Variants in SAMD8 observed in about 807,000 individuals in gnomAD.
SAMD8 encodes the protein sphingomyelin synthase-related protein 1.
In SAMD8, 20 loss-of-function variants were observed where a neutral mutation model predicts 42.0. The observed-to-expected ratio is 0.48, with a 90% confidence interval of 0.34 to 0.69. The LOEUF (loss-of-function observed/expected upper bound fraction) is 0.69. SAMD8 is among the 30% of genes least tolerant of loss of function. SAMD8 has a pLI of 0.01. For missense variants in SAMD8, 328 were observed against 511.6 expected (o/e 0.64, Z 3.46); for synonymous variants, 162 against 173.0 (o/e 0.94, Z 0.50).
At chr10:75,169,208 C>T (rs1424058618) in intron 4 of SAMD8, among the ~76,000 whole-genome samples, 2 of 141,564 alleles carry the variant, frequency 1.4e-5, no homozygotes, top group African/African-American at 2.6e-5. Flanking sequence ...TTATTTTGGC[C>T]GGGCGCAGTG....
At chr10:75,140,129 T>C (rs1186219367) in intron 1 of SAMD8, among the ~76,000 whole-genome samples, 1 of 152,218 alleles carries the variant, frequency 6.6e-6, no homozygotes, top group Non-Finnish European at 1.5e-5. Flanking sequence ...GGACTCTATA[T>C]TCTGTTTCCT....
intron 1 of SAMD8, among the ~76,000 whole-genome samples, chr10:75,117,152 G>T (rs1465736058): frequency 1.3e-5 from 2 of 151,918 alleles, no homozygotes; most frequent in Non-Finnish European, 2.9e-5. Context: ...GCTGGGTGGG[G>T]TGACTCATGC....
chr10:75,133,649 T>C (rs930695953), intron 1 of SAMD8, among the ~76,000 whole-genome samples: 11 of 152,238 alleles, frequency 7.2e-5, no homozygotes, highest in Admixed American at 6.5e-4. Flanking sequence ...GAAGTCCTGT[T>C]ATTTGCAGCA....
chr10:75,122,143 T>C (rs1295465094), intron 1 of SAMD8, among the ~76,000 whole-genome samples: 1 of 152,228 alleles, frequency 6.6e-6, no homozygotes, highest in Non-Finnish European at 1.5e-5. Context: ...TATTACATTC[T>C]TATTGTATGG....
At chr10:75,152,595 A>G (rs1292230866) in intron 2 of SAMD8, among the ~76,000 whole-genome samples, 2 of 149,386 alleles carry the variant, frequency 1.3e-5, no homozygotes, top group Admixed American at 6.6e-5. Context: ...GCTCATGCCT[A>G]TAATCCCAGC....
intron 1 of SAMD8, among the ~76,000 whole-genome samples, chr10:75,135,844 C>A (rs1178003504): frequency 6.6e-6 from 1 of 151,560 alleles, no homozygotes; most frequent in African/African-American, 2.4e-5. Flanking sequence ...AAAAAAAAAT[C>A]TTGTTTAGAA....
At chr10:75,109,200 C>A (rs1369186466), upstream of SAMD8, 1 of 1,499,324 alleles carries the variant, frequency 6.7e-7, no homozygotes, top group East Asian at 2.5e-5. Context: ...TCACTCCTCT[C>A]TGCCTCTCCA....
intron 1 of SAMD8, among the ~76,000 whole-genome samples, chr10:75,130,374 C>T (rs963608313): frequency 1.3e-5 from 2 of 152,018 alleles, no homozygotes; most frequent in Admixed American, 6.6e-5. Context: ...GGCTTGGTGG[C>T]ACATGCCTGT....
chr10:75,104,934 G>A (rs1388661393), intron 1 of SAMD8, among the ~76,000 whole-genome samples: 1 of 152,024 alleles, frequency 6.6e-6, no homozygotes, highest in Admixed American at 6.6e-5. Flanking sequence ...GGAGGTTTCT[G>A]GGAGGAAAAA....
At chr10:75,112,770 TGAAAC>T (rs1157686402) in intron 1 of SAMD8, among the ~76,000 whole-genome samples, 1 of 152,214 alleles carries the variant, frequency 6.6e-6, no homozygotes, top group African/African-American at 2.4e-5. Context: ...AAATTAAACT[TGAAAC>T]AAGAATTTGG....
chr10:75,182,037 T>C lies in SAMD8; in HGVS notation c.*5345T>C, dbSNP rs1005855639. The C allele has an allele frequency of 6.6e-6, 1 of 152,202 alleles. No individual in the cohort carries two copies. Among genetic ancestry groups the C allele is most frequent in the African/African-American group, 2.4e-5 (1 of 41,462 alleles). 9.4% of individuals were successfully genotyped at this position (152,202 alleles called of 1,614,324 possible). On this transcript the variant is annotated 3_prime_UTR_variant, in exon 6 of 6. Coordinates refer to ENST00000542569, the MANE Select transcript of SAMD8 (RefSeq NM_001174156.2). ...GTAAATATCTTGATTCTAAATTAAATCCAGATTTAACTAATATATATTATT... is the reference window on the plus strand; with the variant it reads ...GTAAATATCTTGATTCTAAATTAAACCCAGATTTAACTAATATATATTATT...
rs146200587 is a variant in SAMD8 at position 75,103,933 on chromosome 10, C to T, written c.-16+4205C>T. ...GACAGTGGCTGAGAGGGGGTGTAGG[C>T]GCCAGGAGGAGCCAGATGGAGTAGC... is the stretch of plus-strand genomic sequence containing the variant. On this transcript the variant is annotated intron_variant, in intron 1 of 3. Coordinates refer to the SAMD8 transcript ENST00000447533. 1.2e-3 allele frequency: 1,560 copies of T among 1,317,656 alleles called. 25 individuals carry two copies. The East Asian group carries it at 0.041, about 35-fold the overall frequency. The allele number at this position is 1,317,656 out of a possible 1,614,324, so 81.6% of individuals were successfully genotyped here.
upstream of SAMD8, among the ~76,000 whole-genome samples, chr10:75,110,148 G>A (rs951759810): frequency 8.5e-5 from 13 of 152,186 alleles, no homozygotes; most frequent in Non-Finnish European, 1.9e-4. Flanking sequence ...TGGTCCTGTA[G>A]TGAAGATGGC....
intron 1 of SAMD8, chr10:75,099,854 G>A (rs989167634): frequency 6.3e-5 from 10 of 159,188 alleles, no homozygotes; most frequent in Non-Finnish European, 1.4e-4. Flanking sequence ...CCCATGCTAG[G>A]GATGCTGGAC....
chr10:75,106,906 G>C (rs184819556), upstream of SAMD8, among the ~76,000 whole-genome samples: 8 of 152,354 alleles, frequency 5.3e-5, no homozygotes, highest in East Asian at 1.5e-3. Flanking sequence ...GTCCAGAAAG[G>C]GACACTGGCT....
intron 1 of SAMD8, among the ~76,000 whole-genome samples, chr10:75,122,713 C>T (rs374833973): frequency 4.6e-5 from 7 of 152,066 alleles, no homozygotes; most frequent in East Asian, 3.9e-4. Context: ...ATGCTTGAGC[C>T]GTGGAGTTTA....
At chr10:75,163,589 C>T (rs1181427342) in intron 2 of SAMD8, among the ~76,000 whole-genome samples, 1 of 152,014 alleles carries the variant, frequency 6.6e-6, no homozygotes, top group African/African-American at 2.4e-5. Context: ...CGCGCAGCAC[C>T]GCATCTGGCT....
At chr10:75,126,271 A>G (rs1013153294) in intron 1 of SAMD8, among the ~76,000 whole-genome samples, 1 of 152,176 alleles carries the variant, frequency 6.6e-6, no homozygotes, top group African/African-American at 2.4e-5. Flanking sequence ...TTAACTTTCC[A>G]ATTTTTAGCA....
chr10:75,143,105 A>G (rs1840058861), intron 1 of SAMD8, among the ~76,000 whole-genome samples: 1 of 152,156 alleles, frequency 6.6e-6, no homozygotes, highest in East Asian at 1.9e-4. Context: ...TCAGGAGATC[A>G]AGACCAGCCT....
Sources: gnomAD v4.1 joint callset for allele counts (sites outside exome capture counted in the v4.1 genomes callset) on GRCh38, gnomAD v4.1.1 for gene constraint, MANE v1.5 for transcripts, NCBI Gene and HGNC (gene_info 2026-07-23, HGNC 2026-07-21) for gene names.